DPP10: variants seen among roughly 807,000 people sequenced by gnomAD.
DPP10 encodes inactive dipeptidyl peptidase 10.
Under a neutral mutation model 120.9 loss-of-function variants are expected in DPP10, and 33 were observed. The observed-to-expected ratio is 0.27, with a 90% CI of 0.21 to 0.37. DPP10 has a LOEUF of 0.37. Ranked by LOEUF, DPP10 falls within the 10% of genes least tolerant of loss-of-function variation. DPP10 has a pLI of 1.00. For missense variants in DPP10, 816 were observed against 942.8 expected, an observed-to-expected ratio of 0.87 and a Z score of 1.76; for synonymous variants, 337 against 326.1, an observed-to-expected ratio of 1.03 and a Z score of -0.36.
chr2:114,803,822 GA>G (rs1684480743), intron 1 of DPP10, among the ~76,000 whole-genome samples: 1 of 152,164 alleles, frequency 6.6e-6, no homozygotes, highest in Admixed American at 6.5e-5. Flanking sequence ...TATGTGGATA[GA>G]AAAGAAAAAC....
chr2:115,187,581 A>G (rs2054555864), intron 1 of DPP10, among the ~76,000 whole-genome samples: 1 of 152,190 alleles, frequency 6.6e-6, no homozygotes, highest in African/African-American at 2.4e-5. Flanking sequence ...ATGGTCCAGG[A>G]CACCTAGGAA....
chr2:115,708,437 A>G (rs1231680344), intron 7 of DPP10, among the ~76,000 whole-genome samples: 1 of 152,010 alleles, frequency 6.6e-6, no homozygotes, highest in East Asian at 1.9e-4. Context: ...AAAGATCATT[A>G]TATTACAAAT....
chr2:115,782,828 G>C (rs1354413158), intron 17 of DPP10, among the ~76,000 whole-genome samples: 1 of 151,926 alleles, frequency 6.6e-6, no homozygotes, highest in African/African-American at 2.4e-5. Flanking sequence ...CAGATATCCA[G>C]GTTCTTCTAG....
rs536393617 is a variant in DPP10, at chr2:114,682,144, G to A, written c.60+239306G>A. Among the ~76,000 whole-genome samples, 8 of 152,020 alleles carry A rather than the reference G, an allele frequency of 5.3e-5. No homozygotes were observed. The South Asian group carries it at 1.2e-3, about 24-fold the overall frequency. On this transcript the variant is annotated intron_variant, in intron 1 of 25. Transcript: ENST00000410059. ...ACCCGGCAACATGACTCACAGATTG[G>A]TGCTGTCTCTGTCTCTGTCTCTCTC...
chr2:115,597,540 C>T (rs905074987), intron 5 of DPP10, among the ~76,000 whole-genome samples: 1 of 114,740 alleles, frequency 8.7e-6, no homozygotes, highest in South Asian at 2.7e-4. Flanking sequence ...CATATATATA[C>T]ACACACATTT....
chr2:115,753,414 A>G (rs2149752366), intron 11 of DPP10, 117 bp downstream of exon 11: 7 of 938,844 alleles, frequency 7.5e-6, no homozygotes, highest in Non-Finnish European at 9.0e-6. Context: ...TTTAAAACTA[A>G]TAGGAAAAGA....
chr2:115,106,676 C>G (rs760147128), intron 1 of DPP10, among the ~76,000 whole-genome samples: 3 of 152,044 alleles, frequency 2.0e-5, no homozygotes, highest in Non-Finnish European at 4.4e-5. Flanking sequence ...TTGCCCAGGT[C>G]TGATCTAGTC....
At chr2:114,901,194 T>A (rs1228220224) in intron 1 of DPP10, among the ~76,000 whole-genome samples, 1 of 152,034 alleles carries the variant, frequency 6.6e-6, no homozygotes, top group Non-Finnish European at 1.5e-5. Flanking sequence ...TTTTTTTGTT[T>A]GTTTGTTTGT....
At chr2:115,782,289 C>A in intron 16 of DPP10, 63 bp from the exon 17 acceptor site, 1 of 1,438,104 alleles carries the variant, frequency 7.0e-7, no homozygotes, top group Non-Finnish European at 9.7e-7. Flanking sequence ...ATTATGTAAA[C>A]TTTCTAATGA....
At chr2:115,626,274 T>G (rs2085350995) in intron 5 of DPP10, among the ~76,000 whole-genome samples, 1 of 152,024 alleles carries the variant, frequency 6.6e-6, no homozygotes, top group Admixed American at 6.6e-5. Flanking sequence ...CAATCAGACA[T>G]ACATGATCTT....
At chr2:114,939,839 AT>A (rs1696764887) in intron 1 of DPP10, among the ~76,000 whole-genome samples, 1 of 152,170 alleles carries the variant, frequency 6.6e-6, no homozygotes, top group Non-Finnish European at 1.5e-5. Context: ...GCTATGGCTC[AT>A]ACCAAATATG....
chr2:115,731,187 GTC>G (rs1559084502), intron 8 of DPP10, among the ~76,000 whole-genome samples: 1 of 152,020 alleles, frequency 6.6e-6, no homozygotes, highest in Non-Finnish European at 1.5e-5. Context: ...GTGAAACCCC[GTC>G]TCTACTAAAA....
chr2:114,950,129 A>G (rs1055158682), intron 1 of DPP10, among the ~76,000 whole-genome samples: 4 of 152,284 alleles, frequency 2.6e-5, no homozygotes, highest in Non-Finnish European at 5.9e-5. Context: ...CTAACTAGCT[A>G]TAACTATAGT....
At chr2:114,529,298 C>T (rs11691605) in intron 1 of DPP10, among the ~76,000 whole-genome samples, 22,019 of 152,172 alleles carry the variant, frequency 0.14, 1,705 homozygotes, top group Middle Eastern at 0.24. Context: ...CTGGACAACC[C>T]ACTATTTTTC....
intron 4 of DPP10, among the ~76,000 whole-genome samples, chr2:115,512,942 C>A (rs1206770517): frequency 6.6e-6 from 1 of 151,984 alleles, no homozygotes; most frequent in South Asian, 2.1e-4. Flanking sequence ...TGATGTTCTG[C>A]CTACTGGTTC....
chr2:114,890,059 C>A (rs920920173), intron 1 of DPP10, among the ~76,000 whole-genome samples: 4 of 152,192 alleles, frequency 2.6e-5, no homozygotes, highest in African/African-American at 9.7e-5. Flanking sequence ...TAAGTCATGT[C>A]TCCTTTCGTC....
At chr2:114,590,305 T>G (rs527376929) in intron 1 of DPP10, among the ~76,000 whole-genome samples, 1 of 152,146 alleles carries the variant, frequency 6.6e-6, no homozygotes, top group South Asian at 2.1e-4. Context: ...TGATAGTTTA[T>G]GTTTTTGTGT....
At chr2:115,525,872 T>C (rs1270487921) in intron 4 of DPP10, 26 bp from the exon 5 acceptor site, 2 of 1,556,312 alleles carry the variant, frequency 1.3e-6, no homozygotes, top group African/African-American at 2.8e-5. Context: ...TTTTTAAATA[T>C]AACTGGTTTT....
intron 5 of DPP10, among the ~76,000 whole-genome samples, chr2:115,655,617 C>T (rs1009629141): frequency 4.0e-5 from 6 of 151,544 alleles, no homozygotes; most frequent in South Asian, 2.1e-4. Flanking sequence ...TCAAATTATA[C>T]GCACCCTTGT....
Sources: allele counts gnomAD v4.1 joint callset (sites outside exome capture counted in the v4.1 genomes callset), GRCh38; gene constraint gnomAD v4.1.1; transcripts MANE v1.5; gene names NCBI Gene and HGNC (gene_info 2026-07-23, HGNC 2026-07-21).